The following ADAMTS20 variants were observed in gnomAD, a reference collection of about 807,000 sequenced individuals.
ADAMTS20 encodes A disintegrin and metalloproteinase with thrombospondin motifs 20.
In ADAMTS20, 225 loss-of-function variants were observed where a neutral mutation model predicts 260.1. That is an observed-to-expected ratio of 0.87 (90% confidence interval 0.78 to 0.97). ADAMTS20 has a LOEUF of 0.97. ADAMTS20 is among the 50% of genes least tolerant of loss of function. ADAMTS20 has a pLI of 0.00. For missense variants in ADAMTS20, 2,400 were observed against 2,337.7 expected (o/e 1.03, Z -0.55); for synonymous variants, 802 against 769.5 (o/e 1.04, Z -0.70).
At chr12:43,438,291 G>A (rs554626548) in intron 18 of ADAMTS20, among the ~76,000 whole-genome samples, 1 of 151,906 alleles carries the variant, frequency 6.6e-6, no homozygotes, top group Admixed American at 6.6e-5. Context: ...TCTCCTTCTA[G>A]CTCCTTATAT....
At chr12:43,434,518 A>G in intron 18 of ADAMTS20, 147 bp from the exon 19 acceptor site, 1 of 652,072 alleles carries the variant, frequency 1.5e-6, no homozygotes, top group Non-Finnish European at 2.3e-6. Flanking sequence ...CTAGTATATT[A>G]ATCTAATGAG....
intron 2 of ADAMTS20, among the ~76,000 whole-genome samples, chr12:43,537,922 G>A (rs1943319430): frequency 6.6e-6 from 1 of 152,126 alleles, no homozygotes; most frequent in Admixed American, 6.5e-5. Context: ...ATCTGTTGAT[G>A]GACACTTAGG....
chr12:43,502,462 A>G (rs1419572017), intron 3 of ADAMTS20, 57 bp from the exon 4 acceptor site: 8 of 1,528,796 alleles, frequency 5.2e-6, no homozygotes, highest in Non-Finnish European at 6.1e-6. Flanking sequence ...GACGAAAAAT[A>G]TCGCAAAAAA....
At chr12:43,382,183 C>A (rs1940369197) in intron 31 of ADAMTS20, among the ~76,000 whole-genome samples, 1 of 152,100 alleles carries the variant, frequency 6.6e-6, no homozygotes, top group African/African-American at 2.4e-5. Context: ...AACTTGTATG[C>A]AAATGTTCCT....
intron 7 of ADAMTS20, among the ~76,000 whole-genome samples, chr12:43,477,376 A>G (rs1292546173): frequency 6.6e-6 from 1 of 152,236 alleles, no homozygotes; most frequent in Non-Finnish European, 1.5e-5. Flanking sequence ...GTAGATTCTT[A>G]TTAAGTGATC....
intron 2 of ADAMTS20, among the ~76,000 whole-genome samples, chr12:43,537,156 A>C (rs1320303220): frequency 2.0e-5 from 3 of 151,856 alleles, no homozygotes; most frequent in Non-Finnish European, 4.4e-5. Context: ...TGCAACCTCC[A>C]CCTCCCAGGC....
At chr12:43,465,440 T>C (rs1942137008) in intron 9 of ADAMTS20, among the ~76,000 whole-genome samples, 1 of 152,088 alleles carries the variant, frequency 6.6e-6, no homozygotes, top group Non-Finnish European at 1.5e-5. Flanking sequence ...AGGAAAAACA[T>C]GAGAAATATA....
intron 5 of ADAMTS20, among the ~76,000 whole-genome samples, 198 bp from the exon 6 acceptor site, chr12:43,492,827 A>G (rs1315653538): frequency 6.6e-6 from 1 of 152,102 alleles, no homozygotes; most frequent in Non-Finnish European, 1.5e-5. Flanking sequence ...GAATCTAATT[A>G]GATCTTCTTA....
At chr12:43,474,186 T>C (rs1942312364) in intron 7 of ADAMTS20, among the ~76,000 whole-genome samples, 2 of 143,500 alleles carry the variant, frequency 1.4e-5, no homozygotes, top group South Asian at 2.3e-4. Flanking sequence ...AAATACAAAC[T>C]ACCATCAGAG....
intron 3 of ADAMTS20, among the ~76,000 whole-genome samples, chr12:43,531,409 T>C (rs964428060): frequency 6.6e-6 from 1 of 152,092 alleles, no homozygotes; most frequent in African/African-American, 2.4e-5. Flanking sequence ...TTGCTACCAA[T>C]CTCATATACT....
At chr12:43,420,526 A>G (rs1467073254) in intron 28 of ADAMTS20, among the ~76,000 whole-genome samples, 1 of 152,092 alleles carries the variant, frequency 6.6e-6, no homozygotes, top group Non-Finnish European at 1.5e-5. Flanking sequence ...TGAACACTCC[A>G]CTTTACAAAG....
At chr12:43,480,009 T>A (rs955606353) in intron 7 of ADAMTS20, among the ~76,000 whole-genome samples, 3 of 152,028 alleles carry the variant, frequency 2.0e-5, no homozygotes, top group Admixed American at 1.3e-4. Flanking sequence ...GCTATGAAAA[T>A]CATTTAAGCT....
In ADAMTS20 at chr12:43,452,395, C is replaced by T. The variant is rs184365378; in HGVS notation, c.1958G>A (p.Arg653His). Reference sequence around the variant, plus strand: ...AGCAACCTGACAATAGAGTTTACAACGATCCTTTGTGCCAACTGTAAAAAA... The same window carrying T: ...AGCAACCTGACAATAGAGTTTACAATGATCCTTTGTGCCAACTGTAAAAAA... ...PRYSGIGTKD[R>H]CKLYCQVAGT... is the part of the protein sequence containing the mutation. The change falls in exon 14 of 39, where the codon CGT becomes CAT. Residue 653 changes from arginine (R) to histidine (H), a missense_variant. Transcript: ENST00000389420. 151 of 1,611,910 alleles carry T rather than the reference C, an allele frequency of 9.4e-5. No individual in the cohort carries two copies. In the East Asian group the frequency reaches 1.2e-3, roughly 13 times the overall value.
At chr12:43,509,239 G>A (rs1942889512) in intron 3 of ADAMTS20, among the ~76,000 whole-genome samples, 2 of 152,024 alleles carry the variant, frequency 1.3e-5, no homozygotes, top group Non-Finnish European at 2.9e-5. Context: ...CTTTATAATA[G>A]AATGACACAG....
chr12:43,431,639 T>TA, intron 21 of ADAMTS20, 143 bp from the exon 22 acceptor site: 2 of 944,776 alleles, frequency 2.1e-6, no homozygotes, highest in Non-Finnish European at 3.2e-6. Context: ...ACCAGAGATA[T>TA]TCACTGGGTA....
chr12:43,423,801 G>GT (rs1460838470), intron 28 of ADAMTS20: 1 of 703,534 alleles, frequency 1.4e-6, no homozygotes. Context: ...CTAGGATATA[G>GT]TAGATGGTCA....
chr12:43,508,264 GAAT>G (rs1942873909), intron 3 of ADAMTS20, among the ~76,000 whole-genome samples: 1 of 152,052 alleles, frequency 6.6e-6, no homozygotes. Flanking sequence ...AATTTTTAAA[GAAT>G]ATTATTATCA....
In ADAMTS20 at chr12:43,492,595, G is replaced by A; in HGVS notation, c.986C>T (p.Thr329Ile). 6.2e-7 allele frequency: 1 copy of A among 1,613,736 alleles called. No homozygotes were observed. The highest frequency in any genetic ancestry group is 1.1e-5 in the South Asian group (1 of 91,058). Residue 329 changes from threonine (T) to isoleucine (I), a missense_variant, in exon 6 of 39, where the codon ACA (threonine) becomes ATA (isoleucine). Thr to Ile is a moderately conservative substitution (Grantham distance 89). Transcript: ENST00000389420. ...GPVINFDGAT[T>I]LKNFCSWQQT... is the part of the protein sequence containing the mutation. ...TTGCCATGAACAAAAGTTCTTTAAT[G>A]TGGTAGCACCATCAAAATTAATGAC...
intron 27 of ADAMTS20, among the ~76,000 whole-genome samples, 179 bp downstream of exon 27, chr12:43,427,129 C>T (rs1014887424): frequency 1.3e-5 from 2 of 152,012 alleles, no homozygotes. Context: ...GTCGAGATCA[C>T]GACACTGCAT....
Sources: allele counts gnomAD v4.1 joint callset (sites outside exome capture counted in the v4.1 genomes callset), GRCh38; gene constraint gnomAD v4.1.1; transcripts MANE v1.5; gene names NCBI Gene and HGNC (gene_info 2026-07-23, HGNC 2026-07-21).